PCDHA2: variants seen among roughly 807,000 people sequenced by gnomAD.
PCDHA2 encodes the protein protocadherin alpha 2, also known as protocadherin alpha-2.
PCDHA2 carries 58 observed loss-of-function variants against 66.0 expected under a neutral mutation model. The observed-to-expected ratio is 0.88, with a 90% CI of 0.71 to 1.09. The LOEUF (loss-of-function observed/expected upper bound fraction) is 1.09, where lower values mean the gene tolerates loss of function less well. Ranked by LOEUF, PCDHA2 falls within the 50% of genes least tolerant of loss-of-function variation. The pLI is 0.00. For synonymous variants in PCDHA2, 634 were observed against 554.0 expected, an observed-to-expected ratio of 1.14 and a Z score of -2.03; for missense variants, 1,267 against 1,242.3, an observed-to-expected ratio of 1.02 and a Z score of -0.30.
intron 1 of PCDHA2, among the ~76,000 whole-genome samples, chr5:140,873,086 C>A (rs984385666): frequency 1.3e-5 from 2 of 152,240 alleles, no homozygotes; most frequent in African/African-American, 2.4e-5. Flanking sequence ...ATTTCCCCCC[C>A]GTATAGAGGC....
In PCDHA2 at chr5:140,835,236, G is replaced by A. The variant is rs1307272356; in HGVS notation, c.2388+37884G>A. The A allele has an allele frequency of 6.9e-6, 11 of 1,599,722 alleles. 1 individual carries two copies. The highest frequency in any genetic ancestry group is 9.4e-6 in the Non-Finnish European group (11 of 1,173,316). On this transcript the variant is annotated intron_variant, in intron 1 of 3. Coordinates refer to ENST00000526136, the MANE Select transcript of PCDHA2 (RefSeq NM_018905.3). The stretch of plus-strand genomic sequence containing the variant: ...TATTATTTACTCCTTCTCCAGTGAT[G>A]TTTCTCCAGATATAAAATCCAAGTT...
chr5:140,803,755 C>T (rs941737742), intron 1 of PCDHA2: 2 of 1,260,296 alleles, frequency 1.6e-6, no homozygotes, highest in East Asian at 2.4e-5. Flanking sequence ...ATTTTTGTTG[C>T]TAATTTTTGA....
chr5:140,838,074 TATAGTGTGTGTGTGTGTGTG>T (rs1775436648), intron 1 of PCDHA2, among the ~76,000 whole-genome samples: 2 of 120,528 alleles, frequency 1.7e-5, no homozygotes. Context: ...GTTATATATA[TATAGTGTGTGTGTGTGTGTG>T]TGTGTGTGTG....
At chr5:140,823,497 C>T in intron 1 of PCDHA2, 1 of 1,613,246 alleles carries the variant, frequency 6.2e-7, no homozygotes, top group Non-Finnish European at 8.5e-7. Flanking sequence ...GCACCGGCGG[C>T]GCAGTGAGCG....
At chr5:140,817,834 TTA>T (rs1554127320) in intron 1 of PCDHA2, among the ~76,000 whole-genome samples, 2 of 152,224 alleles carry the variant, frequency 1.3e-5, no homozygotes, top group Non-Finnish European at 2.9e-5. Flanking sequence ...TGTCTTAATT[TTA>T]CTATCACTTT....
intron 1 of PCDHA2, among the ~76,000 whole-genome samples, chr5:140,887,272 AT>A (rs2061386056): frequency 6.6e-6 from 1 of 151,690 alleles, no homozygotes; most frequent in South Asian, 2.1e-4. Context: ...AATTTTTTGT[AT>A]TTTTAGTAGA....
intron 1 of PCDHA2, chr5:140,807,830 A>T (rs1554124299): frequency 6.2e-7 from 1 of 1,614,204 alleles, no homozygotes; most frequent in Non-Finnish European, 8.5e-7. Flanking sequence ...GCTCACAGCC[A>T]CTGATGGAGG....
At chr5:140,820,946 A>G (rs1766863705) in intron 1 of PCDHA2, among the ~76,000 whole-genome samples, 1 of 152,114 alleles carries the variant, frequency 6.6e-6, no homozygotes, top group Admixed American at 6.5e-5. Context: ...AAATATCCCC[A>G]TTACAGTTTT....
At chr5:140,898,445 G>GAA (rs1317860515) in intron 1 of PCDHA2, among the ~76,000 whole-genome samples, 7 of 152,126 alleles carry the variant, frequency 4.6e-5, no homozygotes, top group Admixed American at 3.3e-4. Flanking sequence ...ATTAAATAGG[G>GAA]AATCCTTTCC....
At chr5:140,958,586 T>A (rs561856247) in intron 1 of PCDHA2, among the ~76,000 whole-genome samples, 11 of 152,266 alleles carry the variant, frequency 7.2e-5, no homozygotes, top group African/African-American at 2.6e-4. Flanking sequence ...TAAATGAGCT[T>A]ATGATAATTG....
chr5:141,007,200 G>T (rs1437076735), intron 3 of PCDHA2, among the ~76,000 whole-genome samples: 2 of 152,010 alleles, frequency 1.3e-5, no homozygotes, highest in Admixed American at 6.6e-5. Context: ...GATGGTGGGG[G>T]CCAGAATATG....
In PCDHA2 at chr5:140,951,110, T is replaced by A. The variant is rs1230697929; in HGVS notation, c.2389-27839T>A. Reference sequence around the variant, plus strand: ...TTTTTCTGATAAGATTTCCTTTATTTTCATTCCTTACCAATAAGTTTTCCT... The same window carrying A: ...TTTTTCTGATAAGATTTCCTTTATTATCATTCCTTACCAATAAGTTTTCCT... On this transcript the variant is annotated intron_variant, in intron 1 of 3. Transcript: ENST00000526136. Among the ~76,000 whole-genome samples, 5 of 150,004 alleles carry A rather than the reference T, an allele frequency of 3.3e-5. No homozygotes were observed. The East Asian group carries it at 9.8e-4, about 29-fold the overall frequency.
intron 1 of PCDHA2, chr5:140,968,530 A>G (rs1554230830): frequency 6.2e-7 from 1 of 1,614,174 alleles, no homozygotes; most frequent in East Asian, 2.2e-5. Context: ...CCAACTCGTC[A>G]GCAGCCTTCG....
At chr5:140,853,449 G>C (rs1331170631) in intron 1 of PCDHA2, 1 of 979,994 alleles carries the variant, frequency 1.0e-6, no homozygotes, top group East Asian at 1.1e-4. Flanking sequence ...TGCCTAATAG[G>C]TCTCCTTATA....
At chr5:140,967,754 T>G (rs782221420) in intron 1 of PCDHA2, 16 of 1,614,164 alleles carry the variant, frequency 9.9e-6, no homozygotes, top group South Asian at 7.7e-5. Flanking sequence ...GGAAGCCTCC[T>G]CCTACCAGAT....
rs782131708 is a variant in PCDHA2, at chr5:140,869,055, G to A, written c.2388+71703G>A. The A allele has an allele frequency of 1.9e-6, 3 of 1,547,114 alleles. No homozygotes were observed. In the South Asian group the frequency reaches 3.8e-5, roughly 20 times the overall value. ...TTTTTAACCTGAAACTGAAGAATCTGGTACTGTAAGTGTAAAGAAGCTTAT... is the reference window on the plus strand; with the variant it reads ...TTTTTAACCTGAAACTGAAGAATCTAGTACTGTAAGTGTAAAGAAGCTTAT... On this transcript the variant is annotated intron_variant, in intron 1 of 3. Coordinates refer to ENST00000526136, the MANE Select transcript of PCDHA2 (RefSeq NM_018905.3).
intron 1 of PCDHA2, chr5:140,851,667 T>C (rs628871): frequency 0.26 from 235,964 of 911,074 alleles, 43,172 homozygotes; most frequent in South Asian, 0.31. Context: ...TCCTTTTAAT[T>C]GAAATTTTCT....
intron 1 of PCDHA2, chr5:140,862,499 G>T (rs1581644581): frequency 2.5e-6 from 1 of 396,118 alleles, no homozygotes; most frequent in East Asian, 6.8e-5. Flanking sequence ...CGCTCGGAAT[G>T]GGGACTCGCT....
At chr5:140,867,971 C>A (rs1230179778) in intron 1 of PCDHA2, 2 of 152,032 alleles carry the variant, frequency 1.3e-5, no homozygotes, top group Non-Finnish European at 2.9e-5. Flanking sequence ...ATTCTTTCAA[C>A]AAGAAACAAA....
Sources: gnomAD v4.1 joint callset for allele counts (sites outside exome capture counted in the v4.1 genomes callset) on GRCh38, gnomAD v4.1.1 for gene constraint, MANE v1.5 for transcripts, NCBI Gene and HGNC (gene_info 2026-07-23, HGNC 2026-07-21) for gene names.